RBBP8: variants seen among roughly 807,000 people sequenced by gnomAD.
The protein encoded by RBBP8 is DNA endonuclease RBBP8.
Under a neutral mutation model 108.3 loss-of-function variants are expected in RBBP8, and 88 were observed. That is an observed-to-expected ratio of 0.81 (90% CI 0.68 to 0.97). The LOEUF (loss-of-function observed/expected upper bound fraction) is 0.97. Among genes scored for constraint, RBBP8 ranks in the 50% least tolerant of loss-of-function variants. RBBP8 has a pLI of 0.00. For synonymous variants in RBBP8, 332 were observed against 348.2 expected (o/e 0.95, Z 0.52); for missense variants, 1,023 against 1,049.0 (o/e 0.98, Z 0.34).
chr18:22,944,078 G>C (rs1654488291), intron 2 of RBBP8, among the ~76,000 whole-genome samples: 1 of 152,186 alleles, frequency 6.6e-6, no homozygotes, highest in Admixed American at 6.5e-5. Flanking sequence ...CTACATTGTT[G>C]TATAGCCTCA....
At chr18:22,967,072 A>G (rs142019960) in intron 4 of RBBP8, among the ~76,000 whole-genome samples, 10 of 152,214 alleles carry the variant, frequency 6.6e-5, no homozygotes, top group Non-Finnish European at 1.3e-4. Context: ...TTGACTTGAA[A>G]TTATTATCTT....
chr18:22,999,827 T>C (rs2045917652), intron 14 of RBBP8, among the ~76,000 whole-genome samples: 1 of 152,196 alleles, frequency 6.6e-6, no homozygotes, highest in African/African-American at 2.4e-5. Context: ...GGATATACTC[T>C]CTGTCTTCAG....
chr18:22,973,175 A>G (rs1467475016), intron 5 of RBBP8, among the ~76,000 whole-genome samples: 2 of 152,212 alleles, frequency 1.3e-5, no homozygotes, highest in Admixed American at 1.3e-4. Context: ...TGCCTCTGAT[A>G]CTAGAATTGG....
intron 3 of RBBP8, among the ~76,000 whole-genome samples, chr18:22,921,543 G>A (rs1040591812): frequency 1.3e-5 from 2 of 152,162 alleles, no homozygotes; most frequent in Non-Finnish European, 2.9e-5. Context: ...CCCAAGACGT[G>A]TCCGATACAT....
intron 4 of RBBP8, among the ~76,000 whole-genome samples, chr18:22,958,185 T>C (rs79594232): frequency 0.03 from 4,550 of 152,304 alleles, 72 homozygotes; most frequent in Non-Finnish European, 0.038. Context: ...TTTCAGTCTT[T>C]TTTGTATTTT....
intron 4 of RBBP8, among the ~76,000 whole-genome samples, chr18:22,954,081 G>C (rs1912284349): frequency 6.6e-6 from 1 of 152,038 alleles, no homozygotes; most frequent in African/African-American, 2.4e-5. Flanking sequence ...TACAATTCAA[G>C]TTGAGATTTG....
In RBBP8 at chr18:23,026,463, C is replaced by A. The variant is rs535463636; in HGVS notation, c.*223C>A. 210 of 472,186 alleles carry A rather than the reference C, an allele frequency of 4.4e-4. No individual in the cohort carries two copies. The highest frequency in any genetic ancestry group is 1.2e-3 in the Middle Eastern group (2 of 1,606). 29.2% of individuals were successfully genotyped at this position (472,186 alleles called of 1,614,324 possible). A position where few individuals can be genotyped will look rare whatever the true frequency, so the allele number is the denominator to read the frequency against. ...AGAGTTTTTACTTTATGTAGTGATA[C>A]CTAATACAATTTTGAAAATACAATA... On this transcript the variant is annotated 3_prime_UTR_variant, in exon 19 of 19. Transcript: ENST00000327155.
rs763985088 is a variant in RBBP8, at chr18:22,993,631, G to T, written c.1804G>T (p.Asp602Tyr). The change falls in exon 11 of 19, where the codon GAC becomes TAC. Residue 602 changes from aspartate (D) to tyrosine (Y), a missense_variant. Transcript: ENST00000327155. ...TTTGGAGACTGAGAATGTTTTAGATGACATAAAGGTTTGTGTTAAATGTTC... is the reference window on the plus strand; with the variant it reads ...TTTGGAGACTGAGAATGTTTTAGATTACATAAAGGTTTGTGTTAAATGTTC... ...ESLETENVLD[D>Y]IKSAGSHEPI... is the part of the protein sequence containing the mutation. 6.2e-7 allele frequency: 1 copy of T among 1,614,208 alleles called. No individual in the cohort carries two copies. Among genetic ancestry groups the T allele is most frequent in the Non-Finnish European group, 8.5e-7 (1 of 1,180,038 alleles).
At chr18:22,924,374 G>A (rs1372969841) in intron 3 of RBBP8, among the ~76,000 whole-genome samples, 1 of 152,228 alleles carries the variant, frequency 6.6e-6, no homozygotes, top group Non-Finnish European at 1.5e-5. Context: ...TGATCTGCCT[G>A]CCTCGGCCTC....
In RBBP8 at chr18:22,919,322, C is replaced by T. The variant is rs143557336; in HGVS notation, c.-154+2296C>T. ...ATTGGTTTAGAGTTAACATTAGAAC[C>T]AACTAATAATCCATTTATAACACAA... On this transcript the variant is annotated intron_variant, in intron 3 of 4. Transcript: ENST00000577588. Among the ~76,000 whole-genome samples the T allele has an allele frequency of 5.0e-4, 76 of 152,224 alleles. 1 individual carries two copies. The highest frequency in any genetic ancestry group is 1.8e-3 in the African/African-American group (74 of 41,534).
chr18:22,943,262 C>T, intron 2 of RBBP8, among the ~76,000 whole-genome samples: 1 of 150,672 alleles, frequency 6.6e-6, no homozygotes, highest in East Asian at 1.9e-4. Flanking sequence ...AAAGCGAGAC[C>T]CTGTCTCTAC....
intron 2 of RBBP8, among the ~76,000 whole-genome samples, chr18:22,915,821 T>C (rs952527428): frequency 6.6e-6 from 1 of 152,114 alleles, no homozygotes. Flanking sequence ...TGAGCATTTT[T>C]TATGTTTATG....
chr18:22,972,693 C>T (rs1349054920), intron 5 of RBBP8, among the ~76,000 whole-genome samples: 1 of 152,144 alleles, frequency 6.6e-6, no homozygotes, highest in African/African-American at 2.4e-5. Flanking sequence ...TAATTCTCTT[C>T]CGAATAATAT....
chr18:22,946,446 T>G lies in RBBP8; in HGVS notation c.112T>G (p.Leu38Val). The G allele has an allele frequency of 6.2e-7, 1 of 1,612,800 alleles. No individual in the cohort carries two copies. The highest frequency in any genetic ancestry group is 1.1e-5 in the South Asian group (1 of 91,048). The change falls in exon 3 of 19, where the codon TTA (leucine) becomes GTA (valine). Residue 38 changes from leucine (L) to valine (V), a missense_variant and splice_region_variant. Leu to Val is a conservative substitution (Grantham distance 32). Transcript: ENST00000327155. ...KECHDREVQG[L>V]QVKVTKLKQE... Reference sequence around the variant, plus strand: ...TACCTTTTCTTTTTACTTTTCAGGTTTACAAGTAAAAGTAACCAAGCTAAA... The same window carrying G: ...TACCTTTTCTTTTTACTTTTCAGGTGTACAAGTAAAAGTAACCAAGCTAAA...
chr18:22,974,621 G>A (rs781771368), intron 5 of RBBP8, among the ~76,000 whole-genome samples: 3 of 152,050 alleles, frequency 2.0e-5, no homozygotes, highest in South Asian at 2.1e-4. Context: ...CACCATGTCC[G>A]GCTGATTTTT....
At chr18:22,928,602 C>T (rs143734992), upstream of RBBP8, among the ~76,000 whole-genome samples, 1 of 151,936 alleles carries the variant, frequency 6.6e-6, no homozygotes, top group East Asian at 1.9e-4. Flanking sequence ...ACAGCAGAGA[C>T]TGTGCAAGGA....
rs397735746 is a variant in RBBP8, at chr18:23,021,820, C to CT, written c.2455-296dup. On this transcript the variant is annotated intron_variant, in intron 17 of 18. Transcript: ENST00000327155. ...TAAGCACACTGTCAAGATCAGCTGG[C>CT]TTTTTTTTTTTTTAATTGCAACACT... Among the ~76,000 whole-genome samples, 22,469 of 141,072 alleles carry CT rather than the reference C, an allele frequency of 0.16. 2,037 individuals are homozygous for CT. Among genetic ancestry groups the CT allele is most frequent in the African/African-American group, 0.28 (10,766 of 38,876 alleles). The allele number at this position is 141,072 out of a possible 152,430, so 92.5% of individuals were successfully genotyped here.
At chr18:22,995,311 A>T (rs544148981) in intron 12 of RBBP8, among the ~76,000 whole-genome samples, 2 of 151,894 alleles carry the variant, frequency 1.3e-5, no homozygotes, top group Non-Finnish European at 2.9e-5. Flanking sequence ...AGCCTTTTAC[A>T]ATCTACTTGG....
At chr18:22,932,744 G>A (rs1293972125), upstream of RBBP8, among the ~76,000 whole-genome samples, 2 of 152,134 alleles carry the variant, frequency 1.3e-5, no homozygotes, top group African/African-American at 4.8e-5. Flanking sequence ...CAAACGAACA[G>A]CCACAAGAAA....
Sources: allele counts gnomAD v4.1 joint callset (sites outside exome capture counted in the v4.1 genomes callset), GRCh38; gene constraint gnomAD v4.1.1; transcripts MANE v1.5; gene names NCBI Gene and HGNC (gene_info 2026-07-23, HGNC 2026-07-21).